Variants in CUL5 observed in about 807,000 individuals in gnomAD.
The protein encoded by CUL5 is cullin-5.
Under a neutral mutation model 108.8 loss-of-function variants are expected in CUL5, and 26 were observed. The ratio of observed to expected loss-of-function variants is 0.24; its 90% confidence interval spans 0.18 to 0.33. The LOEUF (loss-of-function observed/expected upper bound fraction) is 0.33. Among genes scored for constraint, CUL5 ranks in the 10% least tolerant of loss-of-function variants. CUL5 has a pLI of 1.00. For missense variants in CUL5, 524 were observed against 909.2 expected (o/e 0.58, Z 5.45); for synonymous variants, 334 against 298.0 (o/e 1.12, Z -1.25).
chr11:108,094,784 T>C, intron 14 of CUL5, 28 bp from the exon 15 acceptor site: 2 of 1,502,210 alleles, frequency 1.3e-6, no homozygotes, highest in Non-Finnish European at 1.8e-6. Context: ...GTTAATTTAC[T>C]TTATATTCCT....
chr11:108,065,175 G>A (rs993896368), intron 7 of CUL5, among the ~76,000 whole-genome samples: 3 of 151,854 alleles, frequency 2.0e-5, no homozygotes, highest in African/African-American at 7.3e-5. Context: ...ACAGGCGCCC[G>A]CCACCACACC....
At chr11:108,055,372 T>C (rs1383140154) in intron 7 of CUL5, among the ~76,000 whole-genome samples, 1 of 152,198 alleles carries the variant, frequency 6.6e-6, no homozygotes, top group Non-Finnish European at 1.5e-5. Context: ...TAGTGAATAA[T>C]GAATCATTTA....
intron 4 of CUL5, among the ~76,000 whole-genome samples, chr11:108,051,928 AT>A (rs1863236238): frequency 1.3e-5 from 2 of 152,334 alleles, no homozygotes; most frequent in South Asian, 4.1e-4. Context: ...AACAGCTGGG[AT>A]TCAAATCCAG....
chr11:108,092,030 A>T (rs1864375048), intron 13 of CUL5, among the ~76,000 whole-genome samples: 1 of 152,124 alleles, frequency 6.6e-6, no homozygotes, highest in African/African-American at 2.4e-5. Context: ...CTAGCTACTC[A>T]GGAGGCTGAG....
At position 108,009,334 on chromosome 11, in the gene CUL5, T is replaced by A. The variant is rs1275906663; in HGVS notation, c.-15T>A. The A allele has an allele frequency of 2.5e-6, 4 of 1,611,182 alleles. No individual in the cohort carries two copies. Among genetic ancestry groups the A allele is most frequent in the Non-Finnish European group, 3.4e-6 (4 of 1,179,130 alleles). On this transcript the variant is annotated 5_prime_UTR_variant, in exon 1 of 19. Coordinates refer to ENST00000393094, the MANE Select transcript of CUL5 (RefSeq NM_003478.6). ...GAATTCTCGCGTCGTCTCGCGAGAG[T>A]CCAAGTTAAAGAACATGGCGACGTC...
chr11:108,046,686 TTC>T (rs1863077235), intron 3 of CUL5, among the ~76,000 whole-genome samples: 1 of 152,234 alleles, frequency 6.6e-6, no homozygotes, highest in South Asian at 2.1e-4. Flanking sequence ...ATCTTTTTTT[TTC>T]TCTCATGACT....
chr11:108,047,517 T>C (rs1408187117), intron 3 of CUL5, among the ~76,000 whole-genome samples: 1 of 152,206 alleles, frequency 6.6e-6, no homozygotes, highest in Non-Finnish European at 1.5e-5. Context: ...ACTTAAGATA[T>C]TGAAATCAAG....
rs1863570818 is a variant in CUL5, at chr11:108,062,706, G to C, written c.781-7390G>C. ...AGGGCAAATGGTATCAATCACCTCA[G>C]GCATTTATCCTTTGTGTTACAGACA... On this transcript the variant is annotated intron_variant, in intron 7 of 18. Transcript: ENST00000393094. Among the ~76,000 whole-genome samples the C allele has an allele frequency of 2.0e-5, 3 of 151,942 alleles. No homozygotes were observed. The South Asian group carries it at 6.2e-4, about 32-fold the overall frequency.
At chr11:108,059,724 A>G (rs1338953125) in intron 7 of CUL5, among the ~76,000 whole-genome samples, 1 of 152,026 alleles carries the variant, frequency 6.6e-6, no homozygotes, top group East Asian at 1.9e-4. Context: ...TAAAAAAAAA[A>G]TACAAAAAAA....
Position 108,104,415 on chromosome 11 carries a change from C to T in CUL5, c.*31C>T, listed in dbSNP as rs763098876. 1.4e-6 allele frequency: 2 copies of T among 1,401,396 alleles called. No homozygotes were observed. Among genetic ancestry groups the T allele is most frequent in the East Asian group, 5.3e-5 (2 of 37,620 alleles). 86.8% of individuals were successfully genotyped at this position (1,401,396 alleles called of 1,614,324 possible). On this transcript the variant is annotated 3_prime_UTR_variant, in exon 19 of 19. Transcript: ENST00000393094. ...AATATCATGGACAATATTTAGAACC[C>T]AAATTTTGGAGTGCTTGGGCAGAAA...
At chr11:108,035,116 C>T (rs1480788082) in intron 2 of CUL5, among the ~76,000 whole-genome samples, 1 of 152,104 alleles carries the variant, frequency 6.6e-6, no homozygotes, top group East Asian at 1.9e-4. Context: ...CAAACTGTAA[C>T]CAATCCAGAA....
intron 11 of CUL5, among the ~76,000 whole-genome samples, chr11:108,086,750 T>C (rs10890809): frequency 0.37 from 55,831 of 152,040 alleles, 11,474 homozygotes; most frequent in Middle Eastern, 0.55. Flanking sequence ...ATTCCCAGTT[T>C]GCAAAGAAAG....
chr11:108,058,438 C>T (rs1386007291), intron 7 of CUL5, among the ~76,000 whole-genome samples: 1 of 151,320 alleles, frequency 6.6e-6, no homozygotes, highest in Non-Finnish European at 1.5e-5. Flanking sequence ...TTAGTAGAGA[C>T]AGGGTTTCAC....
At chr11:108,053,801 C>T (rs1227507148) in intron 5 of CUL5, among the ~76,000 whole-genome samples, 1 of 151,574 alleles carries the variant, frequency 6.6e-6, no homozygotes, top group Non-Finnish European at 1.5e-5. Context: ...ATCTCAGTGT[C>T]CTGAGTAGCT....
chr11:108,071,934 T>C (rs552092979), intron 8 of CUL5, among the ~76,000 whole-genome samples: 1 of 152,190 alleles, frequency 6.6e-6, no homozygotes, highest in Admixed American at 6.5e-5. Flanking sequence ...CCCAGCACTT[T>C]GAGAGACCAA....
chr11:108,091,477 G>A (rs11822651), intron 13 of CUL5, among the ~76,000 whole-genome samples: 1 of 151,934 alleles, frequency 6.6e-6, no homozygotes, highest in Non-Finnish European at 1.5e-5. Flanking sequence ...GATGGCTTGT[G>A]CTCAGAGTTT....
At chr11:108,092,994 T>G (rs1864394775) in intron 13 of CUL5, among the ~76,000 whole-genome samples, 1 of 152,006 alleles carries the variant, frequency 6.6e-6, no homozygotes, top group African/African-American at 2.4e-5. Context: ...TTTTTGTATT[T>G]TTAGCAGAGA....
intron 7 of CUL5, among the ~76,000 whole-genome samples, chr11:108,069,778 A>G (rs1048881986): frequency 6.6e-5 from 10 of 152,222 alleles, no homozygotes; most frequent in African/African-American, 2.4e-4. Context: ...TTTATAACCT[A>G]ATTTTAAAAC....
chr11:108,068,407 C>T (rs1863742654), intron 7 of CUL5, among the ~76,000 whole-genome samples: 1 of 152,056 alleles, frequency 6.6e-6, no homozygotes, highest in South Asian at 2.1e-4. Context: ...CAGCCTTGAC[C>T]TCCTGAGCTT....
Sources: allele counts gnomAD v4.1 joint callset (sites outside exome capture counted in the v4.1 genomes callset), GRCh38; gene constraint gnomAD v4.1.1; transcripts MANE v1.5; gene names NCBI Gene and HGNC (gene_info 2026-07-23, HGNC 2026-07-21).